NDRG3: variants seen among roughly 807,000 people sequenced by gnomAD.
NDRG3 encodes NDRG family member 3.
NDRG3 carries 23 observed loss-of-function variants against 57.2 expected under a neutral mutation model. That is an observed-to-expected ratio of 0.40 (90% CI 0.29 to 0.57). The LOEUF (loss-of-function observed/expected upper bound fraction) is 0.57. Ranked by LOEUF, NDRG3 falls within the 20% of genes least tolerant of loss-of-function variation. NDRG3 has a pLI of 0.42. For synonymous variants in NDRG3, 132 were observed against 162.6 expected (o/e 0.81, Z 1.43); for missense variants, 384 against 457.3 (o/e 0.84, Z 1.46).
rs1163434058 is a variant in NDRG3, at chr20:36,653,750, C to G, written c.947-49G>C. 2 of 1,553,434 alleles carry G rather than the reference C, an allele frequency of 1.3e-6. No individual in the cohort carries two copies. The highest frequency in any genetic ancestry group is 1.4e-5 in the African/African-American group (1 of 73,792). The stretch of plus-strand genomic sequence containing the variant: ...TAGAAGATGAAGCCCCGGTTAAGCC[C>G]AGCTAACCTAGGAGTCTCATCAAAG... On this transcript the variant is annotated intron_variant, in intron 15 of 15. Transcript: ENST00000349004. The surrounding 1 kb of genome is among the most constrained non-coding windows in gnomAD (Gnocchi z 4.2).
intron 1 of NDRG3, among the ~76,000 whole-genome samples, chr20:36,733,337 C>T (rs1297227910): frequency 6.6e-6 from 1 of 151,754 alleles, no homozygotes; most frequent in Non-Finnish European, 1.5e-5. Flanking sequence ...CAGGCCTTGC[C>T]AGGATGTGCT....
intron 2 of NDRG3, among the ~76,000 whole-genome samples, chr20:36,710,141 G>A (rs1600936065): frequency 6.6e-6 from 1 of 151,888 alleles, no homozygotes; most frequent in South Asian, 2.1e-4. Context: ...GCAACATGGC[G>A]AAATCCCATC....
chr20:36,705,120 G>A (rs546588636), intron 3 of NDRG3, among the ~76,000 whole-genome samples: 1 of 151,790 alleles, frequency 6.6e-6, no homozygotes, highest in Non-Finnish European at 1.5e-5. Context: ...AGGGGTTCGA[G>A]ACCATCCTGA....
intron 2 of NDRG3, among the ~76,000 whole-genome samples, chr20:36,711,256 G>A (rs1983861035): frequency 6.6e-6 from 1 of 151,414 alleles, no homozygotes; most frequent in African/African-American, 2.4e-5. Flanking sequence ...TCCAGCCTGG[G>A]CGACAGTGCG....
At chr20:36,742,909 A>G (rs1056425523) in intron 1 of NDRG3, among the ~76,000 whole-genome samples, 7 of 152,336 alleles carry the variant, frequency 4.6e-5, no homozygotes, top group African/African-American at 1.7e-4. Context: ...ATCTATGCAC[A>G]TATCTGCTGC....
chr20:36,738,583 G>A (rs1944443448), intron 1 of NDRG3, among the ~76,000 whole-genome samples: 1 of 151,742 alleles, frequency 6.6e-6, no homozygotes, highest in South Asian at 2.1e-4. Context: ...AACACTTTGG[G>A]AGGCCGGGGT....
chr20:36,708,570 C>T (rs1983680478), intron 2 of NDRG3, among the ~76,000 whole-genome samples: 1 of 150,894 alleles, frequency 6.6e-6, no homozygotes, highest in Non-Finnish European at 1.5e-5. Context: ...ATCACTTGAA[C>T]CCAGGAGGCA....
chr20:36,744,534 A>T (rs898331783), intron 1 of NDRG3, among the ~76,000 whole-genome samples: 1 of 152,050 alleles, frequency 6.6e-6, no homozygotes, highest in Non-Finnish European at 1.5e-5. Context: ...GTGAACGTGT[A>T]ATTCTAATTG....
At chr20:36,665,181 G>C (rs1318392430) in intron 11 of NDRG3, 55 bp downstream of exon 11, 2 of 1,606,650 alleles carry the variant, frequency 1.2e-6, no homozygotes, top group African/African-American at 2.7e-5. Flanking sequence ...GAAAGTCTAT[G>C]AACACCAAAT....
At chr20:36,689,365 A>G (rs1982066133) in intron 3 of NDRG3, among the ~76,000 whole-genome samples, 3 of 152,324 alleles carry the variant, frequency 2.0e-5, no homozygotes, top group South Asian at 4.1e-4. Flanking sequence ...GCAATTGGCT[A>G]TGGAAAGGAA....
At chr20:36,731,493 T>C (rs370099974) in intron 1 of NDRG3, among the ~76,000 whole-genome samples, 1 of 152,102 alleles carries the variant, frequency 6.6e-6, no homozygotes. Flanking sequence ...AGCCCATGAC[T>C]ATGTACATCA....
At position 36,653,590 on chromosome 20, in the gene NDRG3, T is replaced by A; in HGVS notation, c.1058A>T (p.Asp353Val). The change falls in exon 16 of 16, where the codon GAT (aspartate) becomes GTT (valine). Residue 353 changes from aspartate (D) to valine (V), a missense_variant. Physicochemically the swap from Asp to Val is radical, Grantham distance 152. Transcript: ENST00000349004. The surrounding 1 kb of genome is among the most constrained non-coding windows in gnomAD (Gnocchi z 4.2). Reference protein sequence around the residue: ...FSRSVTSNQSDGTQESCESPD... With the variant: ...FSRSVTSNQSVGTQESCESPD... ...GGACTCACAGGATTCTTGAGTTCCA[T>A]CTGACTGATTGCTGGTGACAGACCG... 1.2e-6 allele frequency: 2 copies of A among 1,614,204 alleles called. No individual in the cohort carries two copies. Among genetic ancestry groups the A allele is most frequent in the Non-Finnish European group, 1.7e-6 (2 of 1,180,026 alleles).
intron 2 of NDRG3, among the ~76,000 whole-genome samples, chr20:36,721,083 C>T (rs910829796): frequency 1.3e-5 from 2 of 151,938 alleles, no homozygotes; most frequent in African/African-American, 4.8e-5. Flanking sequence ...GCCCCACCCT[C>T]ATGCTTTCTG....
At chr20:36,725,838 T>C (rs989255524) in intron 1 of NDRG3, among the ~76,000 whole-genome samples, 1 of 151,904 alleles carries the variant, frequency 6.6e-6, no homozygotes, top group Non-Finnish European at 1.5e-5. Context: ...TATTCAAATA[T>C]GACTCCACAT....
chr20:36,657,849 CTG>C (rs1978814418), intron 13 of NDRG3, among the ~76,000 whole-genome samples: 1 of 152,178 alleles, frequency 6.6e-6, no homozygotes, highest in Admixed American at 6.5e-5. Context: ...CCAGCACAGA[CTG>C]TATTTTCATG....
At chr20:36,714,728 C>T (rs1984128233) in intron 2 of NDRG3, among the ~76,000 whole-genome samples, 1 of 151,512 alleles carries the variant, frequency 6.6e-6, no homozygotes, top group African/African-American at 2.4e-5. Flanking sequence ...ATTCTCCTGC[C>T]TCAGCCTCCC....
At chr20:36,733,146 CAAAAAAAAAAAAA>C (rs141850127) in intron 1 of NDRG3, among the ~76,000 whole-genome samples, 67 of 38,862 alleles carry the variant, frequency 1.7e-3, no homozygotes, top group African/African-American at 3.2e-3. Flanking sequence ...GATCCTGTCT[CAAAAAAAAAAAAA>C]AAAAAAAAAA....
chr20:36,669,931 CT>C (rs1358882583), intron 9 of NDRG3, among the ~76,000 whole-genome samples: 1 of 151,762 alleles, frequency 6.6e-6, no homozygotes, highest in Admixed American at 6.6e-5. Context: ...CAATGAACTG[CT>C]GCTACACAGT....
chr20:36,725,411 T>G (rs1984866062), intron 1 of NDRG3, among the ~76,000 whole-genome samples: 1 of 152,016 alleles, frequency 6.6e-6, no homozygotes, highest in Admixed American at 6.6e-5. Context: ...GAGACCAGTC[T>G]GGACAACATG....
Sources: allele counts gnomAD v4.1 joint callset (sites outside exome capture counted in the v4.1 genomes callset), GRCh38; gene constraint gnomAD v4.1.1; non-coding constraint Gnocchi (gnomAD v3.1); transcripts MANE v1.5; gene names NCBI Gene and HGNC (gene_info 2026-07-23, HGNC 2026-07-21).